USP42: variants seen among roughly 807,000 people sequenced by gnomAD.
USP42 encodes ubiquitin specific peptidase 42.
In USP42, 23 loss-of-function variants were observed where a neutral mutation model predicts 113.0. The ratio of observed to expected loss-of-function variants is 0.20; its 90% CI spans 0.15 to 0.29. The LOEUF is 0.29. Among genes scored for constraint, USP42 ranks in the 10% least tolerant of loss-of-function variants. The pLI, the probability that USP42 is intolerant of heterozygous loss-of-function variation, is 1.00. For synonymous variants in USP42, 933 were observed against 699.0 expected, an observed-to-expected ratio of 1.33 and a Z score of -5.28; for missense variants, 2,174 against 1,779.8, an observed-to-expected ratio of 1.22 and a Z score of -3.99.
At chr7:6,126,752 G>C (rs1780569308) in intron 3 of USP42, among the ~76,000 whole-genome samples, 1 of 152,042 alleles carries the variant, frequency 6.6e-6, no homozygotes, top group African/African-American at 2.4e-5. Flanking sequence ...TCTGGTTTTG[G>C]GGGATTGTGA....
At chr7:6,109,461 C>T (rs960279730) in intron 1 of USP42, among the ~76,000 whole-genome samples, 12 of 152,134 alleles carry the variant, frequency 7.9e-5, no homozygotes, top group Non-Finnish European at 1.3e-4. Context: ...GGCATGATCT[C>T]GGCTCACTGC....
chr7:6,088,091 G>A, the USP42 span, among the ~76,000 whole-genome samples: 1 of 150,920 alleles, frequency 6.6e-6, no homozygotes, highest in African/African-American at 2.5e-5. Flanking sequence ...CTTGAGGCCA[G>A]GAGTTCGAGA....
intron 1 of USP42, among the ~76,000 whole-genome samples, chr7:6,106,590 G>T (rs1779290627): frequency 6.6e-6 from 1 of 152,124 alleles, no homozygotes; most frequent in Non-Finnish European, 1.5e-5. Context: ...TTTGAGGCAA[G>T]ATCTCCCTCT....
intron 14 of USP42, 91 bp downstream of exon 14, chr7:6,150,597 T>C: frequency 9.3e-7 from 1 of 1,078,108 alleles, no homozygotes. Flanking sequence ...GCTGTAGAAA[T>C]TTTATAATGA....
chr7:6,149,259 A>G (rs1267581967), intron 12 of USP42, among the ~76,000 whole-genome samples: 6 of 152,132 alleles, frequency 3.9e-5, no homozygotes, highest in South Asian at 4.1e-4. Flanking sequence ...AGGAAACCCA[A>G]CCAGGTAGCA....
At chr7:6,111,416 G>C (rs1203488469) in intron 2 of USP42, 42 bp downstream of exon 2, 2 of 1,596,336 alleles carry the variant, frequency 1.3e-6, no homozygotes, top group Middle Eastern at 1.7e-4. Context: ...AGAAACTCCT[G>C]TGTAAATGCT....
intron 11 of USP42, among the ~76,000 whole-genome samples, chr7:6,146,861 A>G (rs867635458): frequency 2.0e-5 from 3 of 152,110 alleles, no homozygotes; most frequent in Admixed American, 1.3e-4. Context: ...GCCACAGGAC[A>G]ATGAGTGGAG....
intron 1 of USP42, among the ~76,000 whole-genome samples, chr7:6,106,283 A>G (rs902940334): frequency 6.6e-6 from 1 of 152,222 alleles, no homozygotes; most frequent in Non-Finnish European, 1.5e-5. Flanking sequence ...TATAACGGAA[A>G]TGCTATGAGA....
At chr7:6,090,161 A>G in the USP42 span, among the ~76,000 whole-genome samples, 23 of 148,960 alleles carry the variant, frequency 1.5e-4, no homozygotes, top group Non-Finnish European at 2.7e-4. Flanking sequence ...TTAGACAGGC[A>G]TGGTGGCGCA....
intron 12 of USP42, among the ~76,000 whole-genome samples, chr7:6,149,150 C>T (rs1018321474): frequency 3.3e-5 from 5 of 152,094 alleles, no homozygotes; most frequent in Admixed American, 6.5e-5. Context: ...GAGTGAGTGG[C>T]GGCTGAAGCA....
rs757247997 is a variant in USP42, at chr7:6,146,144, A to G, written c.1132-4A>G. 2.6e-6 allele frequency: 4 copies of G among 1,565,962 alleles called. No homozygotes were observed. The highest frequency in any genetic ancestry group is 3.5e-6 in the Non-Finnish European group (4 of 1,149,734). On this transcript the variant is annotated splice_region_variant and splice_polypyrimidine_tract_variant and intron_variant, in intron 10 of 17. Transcript: ENST00000306177. ...CTCTCTCTTTTATTGGCTCTCATTT[A>G]TAGGCTAGCAATGGCCTCTGGTATC...
chr7:6,119,755 A>G (rs953658803), intron 3 of USP42, among the ~76,000 whole-genome samples: 2 of 151,780 alleles, frequency 1.3e-5, no homozygotes, highest in Non-Finnish European at 2.9e-5. Context: ...AGGCTAGAGT[A>G]CAGTGGTGCA....
intron 3 of USP42, among the ~76,000 whole-genome samples, chr7:6,125,923 A>G (rs912289069): frequency 2.0e-5 from 3 of 152,078 alleles, no homozygotes; most frequent in African/African-American, 7.2e-5. Context: ...AATAATATAG[A>G]GAAATCCCAT....
the USP42 span, among the ~76,000 whole-genome samples, chr7:6,096,453 G>A: frequency 1.3e-5 from 2 of 151,246 alleles, 1 homozygote; most frequent in African/African-American, 4.9e-5. Flanking sequence ...CCAGCCCATA[G>A]GTTGCATGTG....
intron 3 of USP42, among the ~76,000 whole-genome samples, chr7:6,130,605 C>T (rs541187410): frequency 2.3e-4 from 35 of 152,138 alleles, no homozygotes; most frequent in Non-Finnish European, 4.9e-4. Context: ...CACCGTTAAC[C>T]CAGTATGGGT....
chr7:6,082,603 G>GTTTTTTTTTTT, the USP42 span, among the ~76,000 whole-genome samples: 136 of 90,176 alleles, frequency 1.5e-3, 11 homozygotes, highest in Non-Finnish European at 1.9e-3. Context: ...CTTTCTTTCT[G>GTTTTTTTTTTT]TTTTTTTTTT....
intron 14 of USP42, 59 bp downstream of exon 14, chr7:6,150,565 C>T: frequency 1.4e-6 from 2 of 1,396,726 alleles, no homozygotes; most frequent in East Asian, 2.3e-5. Context: ...CCAGTAGCCT[C>T]CAGATGTGTC....
At chr7:6,086,549 C>A in the USP42 span, among the ~76,000 whole-genome samples, 5 of 150,704 alleles carry the variant, frequency 3.3e-5, no homozygotes, top group Admixed American at 2.6e-4. Context: ...TAGTTTTCAC[C>A]ATGTTGGCCA....
intron 3 of USP42, among the ~76,000 whole-genome samples, chr7:6,121,663 T>A (rs187603450): frequency 1.5e-3 from 224 of 152,266 alleles, no homozygotes; most frequent in African/African-American, 5.2e-3. Flanking sequence ...ACATTCTTCT[T>A]TTCTTTGTTT....
Sources: gnomAD v4.1 joint callset for allele counts (sites outside exome capture counted in the v4.1 genomes callset) on GRCh38, gnomAD v4.1.1 for gene constraint, MANE v1.5 for transcripts, NCBI Gene and HGNC (gene_info 2026-07-23, HGNC 2026-07-21) for gene names.